The following SV2C variants were observed in gnomAD, a reference collection of about 807,000 sequenced individuals.
The protein encoded by SV2C is synaptic vesicle glycoprotein 2C, also known as solute carrier family 22 member B3.
SV2C carries 49 observed loss-of-function variants against 79.7 expected under a neutral mutation model. The observed-to-expected ratio is 0.61, with a 90% CI of 0.49 to 0.78. SV2C has a LOEUF of 0.78. SV2C is among the 30% of genes least tolerant of loss of function. SV2C has a pLI of 0.00. For synonymous variants in SV2C, 334 were observed against 333.2 expected, an observed-to-expected ratio of 1.00 and a Z score of -0.03; for missense variants, 833 against 912.9, an observed-to-expected ratio of 0.91 and a Z score of 1.13.
chr5:76,195,873 CT>C (rs1305079318), intron 3 of SV2C, among the ~76,000 whole-genome samples: 1 of 152,028 alleles, frequency 6.6e-6, no homozygotes, highest in Admixed American at 6.6e-5. Context: ...ACAAGTTTAC[CT>C]CTATAACAAA....
intron 1 of SV2C, among the ~76,000 whole-genome samples, chr5:76,090,001 T>C (rs1425567688): frequency 2.0e-5 from 3 of 152,258 alleles, no homozygotes; most frequent in African/African-American, 7.2e-5. Context: ...AATGAGAGGA[T>C]ACCTTTTTGA....
At chr5:75,877,908 A>T in the SV2C span, among the ~76,000 whole-genome samples, 4 of 151,720 alleles carry the variant, frequency 2.6e-5, no homozygotes, top group Non-Finnish European at 5.9e-5. Flanking sequence ...AAGACACAAC[A>T]TACCAAAACT....
chr5:76,248,271 A>G (rs565157707), intron 4 of SV2C, among the ~76,000 whole-genome samples: 60 of 152,308 alleles, frequency 3.9e-4, no homozygotes, highest in African/African-American at 1.4e-3. Flanking sequence ...ATTTTCTCAC[A>G]AATATGGAAG....
At chr5:76,141,437 A>G (rs1296509018) in intron 2 of SV2C, among the ~76,000 whole-genome samples, 1 of 152,166 alleles carries the variant, frequency 6.6e-6, no homozygotes, top group African/African-American at 2.4e-5. Context: ...CCTTACATAC[A>G]TTGATCCAGT....
At chr5:76,091,033 T>G (rs558545416) in intron 1 of SV2C, among the ~76,000 whole-genome samples, 321 of 152,328 alleles carry the variant, frequency 2.1e-3, no homozygotes, top group Non-Finnish European at 3.6e-3. Flanking sequence ...TTGATTTCAT[T>G]TTTGTGCTTC....
At chr5:75,871,329 A>G in the SV2C span, among the ~76,000 whole-genome samples, 1 of 152,210 alleles carries the variant, frequency 6.6e-6, no homozygotes, top group Non-Finnish European at 1.5e-5. Flanking sequence ...AACAAGACGT[A>G]TAACCACTGA....
At chr5:76,009,157 A>G in the SV2C span, among the ~76,000 whole-genome samples, 85,649 of 151,968 alleles carry the variant, frequency 0.56, 24,475 homozygotes, top group Middle Eastern at 0.66. Context: ...AAACACATAC[A>G]AAAAAATGTT....
rs532492736 is a variant in SV2C at position 76,328,566 on chromosome 5, T to C, written c.*3019T>C. The C allele has an allele frequency of 7.2e-5, 11 of 152,342 alleles. No homozygotes were observed. In the East Asian group the frequency reaches 1.5e-3, roughly 21 times the overall value. 9.4% of individuals were successfully genotyped at this position (152,342 alleles called of 1,614,324 possible). On this transcript the variant is annotated 3_prime_UTR_variant, in exon 13 of 13. Transcript: ENST00000502798. ...GTACAGACCTTGGAGACGCGATAGA[T>C]GGGTCCTAGCCTGACCTTCACCACT...
At chr5:76,061,589 G>T in the SV2C span, among the ~76,000 whole-genome samples, 3 of 152,030 alleles carry the variant, frequency 2.0e-5, no homozygotes, top group Admixed American at 2.0e-4. Context: ...TCTGCCCCCA[G>T]ATTTTATTCT....
chr5:76,131,614 G>A (rs1295636024), intron 1 of SV2C, 36 bp from the exon 2 acceptor site: 4 of 561,866 alleles, frequency 7.1e-6, no homozygotes, highest in Non-Finnish European at 1.2e-5. Flanking sequence ...ATATAGAAAG[G>A]AATAATAAGT....
chr5:76,170,707 A>T (rs1191611899), intron 2 of SV2C, among the ~76,000 whole-genome samples: 1 of 150,018 alleles, frequency 6.7e-6, no homozygotes, highest in Non-Finnish European at 1.5e-5. Context: ...TTATACTGAA[A>T]GGACTATCAT....
the SV2C span, among the ~76,000 whole-genome samples, chr5:75,945,968 T>A: frequency 6.6e-6 from 1 of 151,984 alleles, no homozygotes; most frequent in Admixed American, 6.6e-5. Context: ...ATGCTTATGT[T>A]AGAAAAAAGA....
At chr5:76,212,903 T>C (rs1037998354) in intron 4 of SV2C, among the ~76,000 whole-genome samples, 2 of 152,200 alleles carry the variant, frequency 1.3e-5, no homozygotes, top group African/African-American at 4.8e-5. Context: ...ACTTTCCTTT[T>C]TCCAAAGTAC....
the SV2C span, chr5:75,921,375 A>G: frequency 3.3e-6 from 3 of 903,402 alleles, no homozygotes; most frequent in Non-Finnish European, 5.6e-6. Flanking sequence ...GGGTGCTGGT[A>G]GGTGTCCTGC....
At chr5:76,095,774 A>G (rs541063875) in intron 1 of SV2C, among the ~76,000 whole-genome samples, 9 of 152,272 alleles carry the variant, frequency 5.9e-5, no homozygotes, top group African/African-American at 1.7e-4. Flanking sequence ...ACTAGATAGA[A>G]TGGTATATTT....
At chr5:76,162,491 G>A (rs1171991419) in intron 2 of SV2C, among the ~76,000 whole-genome samples, 1 of 152,154 alleles carries the variant, frequency 6.6e-6, no homozygotes, top group Non-Finnish European at 1.5e-5. Flanking sequence ...CTCAAGAGTT[G>A]GGTTACCGAT....
At chr5:76,069,413 A>T in the SV2C span, among the ~76,000 whole-genome samples, 2 of 152,136 alleles carry the variant, frequency 1.3e-5, no homozygotes, top group Non-Finnish European at 2.9e-5. Flanking sequence ...TCTACCTTTC[A>T]GTCAAGCCTC....
chr5:76,311,546 C>T (rs1748440573), intron 12 of SV2C: 1 of 152,054 alleles, frequency 6.6e-6, no homozygotes, highest in Admixed American at 6.6e-5. Flanking sequence ...GAAGTTTGAG[C>T]CATTATTGAA....
At chr5:75,969,167 T>G in the SV2C span, among the ~76,000 whole-genome samples, 1 of 152,122 alleles carries the variant, frequency 6.6e-6, no homozygotes, top group Non-Finnish European at 1.5e-5. Context: ...AAAAAGCTCC[T>G]GAAGGAAGCA....
Sources: allele counts gnomAD v4.1 joint callset (sites outside exome capture counted in the v4.1 genomes callset), GRCh38; gene constraint gnomAD v4.1.1; transcripts MANE v1.5; gene names NCBI Gene and HGNC (gene_info 2026-07-23, HGNC 2026-07-21).